Variants in RSPO2 observed in about 807,000 individuals in gnomAD.
RSPO2 encodes R-spondin-2.
Under a neutral mutation model 30.9 loss-of-function variants are expected in RSPO2, and 14 were observed. That is an observed-to-expected ratio of 0.45 (90% CI 0.30 to 0.71). The LOEUF is 0.71. RSPO2 is among the 30% of genes least tolerant of loss of function. RSPO2 has a pLI of 0.08. For missense variants in RSPO2, 264 were observed against 301.9 expected (o/e 0.87, Z 0.93); for synonymous variants, 107 against 96.4 (o/e 1.11, Z -0.64).
At chr8:108,082,373 C>CA (rs1484564605) in intron 2 of RSPO2, among the ~76,000 whole-genome samples, 172 bp downstream of exon 2, 8 of 152,166 alleles carry the variant, frequency 5.3e-5, no homozygotes, top group African/African-American at 9.6e-5. Flanking sequence ...GTACAGAAAA[C>CA]AGAGTGTTTT....
At chr8:107,944,365 T>C (rs965336393) in intron 5 of RSPO2, among the ~76,000 whole-genome samples, 2 of 152,160 alleles carry the variant, frequency 1.3e-5, no homozygotes, top group Non-Finnish European at 2.9e-5. Context: ...TTTAAGTATA[T>C]ATAATTTGTA....
intron 5 of RSPO2, among the ~76,000 whole-genome samples, chr8:107,903,068 T>C (rs1238980695): frequency 6.6e-6 from 1 of 152,078 alleles, no homozygotes; most frequent in Non-Finnish European, 1.5e-5. Context: ...AAATGAAATA[T>C]TTAATACAAA....
intron 2 of RSPO2, among the ~76,000 whole-genome samples, chr8:108,049,245 A>G (rs953844064): frequency 2.6e-5 from 4 of 151,998 alleles, no homozygotes; most frequent in African/African-American, 7.3e-5. Context: ...CTTAAAGTAT[A>G]ATAAAAGAAT....
At position 108,023,157 on chromosome 8, in the gene RSPO2, A is replaced by T. The variant is rs137927467; in HGVS notation, c.95-33913T>A. 5.9e-5 allele frequency among the ~76,000 whole-genome samples: 9 copies of T among 152,118 alleles called. No homozygotes were observed. The East Asian group carries it at 1.5e-3, about 26-fold the overall frequency. On this transcript the variant is annotated intron_variant, in intron 2 of 5. Coordinates refer to ENST00000276659, the MANE Select transcript of RSPO2 (RefSeq NM_178565.5). Reference sequence around the variant, plus strand: ...TGACTCAATCAAGTTTTCAAATTAAACTCCTTTAGCATTCATACTGCTATT... The same window carrying T: ...TGACTCAATCAAGTTTTCAAATTAATCTCCTTTAGCATTCATACTGCTATT...
At chr8:108,018,579 A>T (rs945542066) in intron 2 of RSPO2, among the ~76,000 whole-genome samples, 1 of 152,228 alleles carries the variant, frequency 6.6e-6, no homozygotes, top group Admixed American at 6.5e-5. Flanking sequence ...AAAAATACAG[A>T]CATTATCCAG....
At chr8:107,901,582 A>ATC (rs764849334) in intron 5 of RSPO2, among the ~76,000 whole-genome samples, 19 of 152,262 alleles carry the variant, frequency 1.2e-4, no homozygotes, top group East Asian at 9.6e-4. Flanking sequence ...ATAAGCATCT[A>ATC]TCTATAGCAA....
At chr8:107,957,727 G>A (rs1033832186) in intron 5 of RSPO2, among the ~76,000 whole-genome samples, 8 of 152,048 alleles carry the variant, frequency 5.3e-5, no homozygotes, top group South Asian at 2.1e-4. Flanking sequence ...AAAGTTGGCC[G>A]CTTCCCTCAG....
At chr8:107,933,611 T>C (rs1354906315) in intron 5 of RSPO2, among the ~76,000 whole-genome samples, 1 of 152,194 alleles carries the variant, frequency 6.6e-6, no homozygotes, top group Non-Finnish European at 1.5e-5. Flanking sequence ...TTTAAAATTC[T>C]TTTTCTTAAA....
chr8:107,992,606 G>A (rs1178737800), intron 2 of RSPO2, among the ~76,000 whole-genome samples: 1 of 152,048 alleles, frequency 6.6e-6, no homozygotes, highest in East Asian at 1.9e-4. Flanking sequence ...GATAATGGCT[G>A]ATTAATTTCC....
At chr8:108,046,708 T>C (rs73700375) in intron 2 of RSPO2, among the ~76,000 whole-genome samples, 1,724 of 152,288 alleles carry the variant, frequency 0.011, 34 homozygotes, top group African/African-American at 0.04. Flanking sequence ...TTCAAGTCTA[T>C]AATTCAAGTC....
At chr8:107,952,698 G>A (rs1464843573) in intron 5 of RSPO2, among the ~76,000 whole-genome samples, 2 of 152,110 alleles carry the variant, frequency 1.3e-5, no homozygotes, top group Non-Finnish European at 2.9e-5. Context: ...CTTATTTCCT[G>A]CTCTGGGGTT....
intron 3 of RSPO2, chr8:107,982,969 T>C (rs1175461675): frequency 2.0e-6 from 1 of 502,686 alleles, no homozygotes; most frequent in Non-Finnish European, 3.4e-6. Context: ...GTATAAATAG[T>C]GTTGGCTCCC....
intron 2 of RSPO2, among the ~76,000 whole-genome samples, chr8:107,989,896 T>G (rs1446907801): frequency 6.6e-6 from 1 of 152,202 alleles, no homozygotes; most frequent in Non-Finnish European, 1.5e-5. Flanking sequence ...AGACCTAGAC[T>G]TTCATGAAAT....
intron 5 of RSPO2, among the ~76,000 whole-genome samples, chr8:107,918,404 C>A (rs1056536461): frequency 6.6e-6 from 1 of 152,144 alleles, no homozygotes; most frequent in South Asian, 2.1e-4. Flanking sequence ...TTTACCAAGG[C>A]TTTGACTGGA....
chr8:107,971,416 T>C (rs1197174025), intron 3 of RSPO2, among the ~76,000 whole-genome samples: 1 of 152,248 alleles, frequency 6.6e-6, no homozygotes, highest in Non-Finnish European at 1.5e-5. Context: ...AGTATCAGTT[T>C]GATATAATCT....
intron 2 of RSPO2, among the ~76,000 whole-genome samples, chr8:108,039,829 T>C: frequency 6.6e-6 from 1 of 152,116 alleles, no homozygotes; most frequent in Non-Finnish European, 1.5e-5. Flanking sequence ...TATCTGAAGG[T>C]AGGTAAATCA....
At chr8:107,987,175 C>T (rs2130519212) in intron 3 of RSPO2, among the ~76,000 whole-genome samples, 1 of 152,236 alleles carries the variant, frequency 6.6e-6, no homozygotes, top group Non-Finnish European at 1.5e-5. Context: ...AGTTAGTTAC[C>T]AGGCCCCACT....
intron 3 of RSPO2, among the ~76,000 whole-genome samples, chr8:107,973,978 T>C (rs904496377): frequency 5.9e-5 from 9 of 152,204 alleles, no homozygotes; most frequent in African/African-American, 1.7e-4. Flanking sequence ...GGTTTACAAC[T>C]CATATGAAGA....
rs188359411 is a variant in RSPO2 at position 107,988,195 on chromosome 8, T to C, written c.283+861A>G. On this transcript the variant is annotated intron_variant, in intron 3 of 5. Coordinates refer to ENST00000276659, the MANE Select transcript of RSPO2 (RefSeq NM_178565.5). ...ATTACTATGTACAAAATGCCATTCC[T>C]TAAACGTTTTTAAATAGTTGTTAAA... is the stretch of plus-strand genomic sequence containing the variant. Among the ~76,000 whole-genome samples the C allele has an allele frequency of 1.9e-3, 283 of 152,244 alleles. 3 individuals are homozygous for C. Among genetic ancestry groups the C allele is most frequent in the African/African-American group, 6.4e-3 (266 of 41,562 alleles).
Sources: allele counts gnomAD v4.1 joint callset (sites outside exome capture counted in the v4.1 genomes callset), GRCh38; gene constraint gnomAD v4.1.1; transcripts MANE v1.5; gene names NCBI Gene and HGNC (gene_info 2026-07-23, HGNC 2026-07-21).